ERICH1: variants seen among roughly 807,000 people sequenced by gnomAD.
ERICH1 encodes glutamate-rich protein 1.
ERICH1 carries 56 observed loss-of-function variants against 39.6 expected under a neutral mutation model. The observed-to-expected ratio is 1.41, with a 90% CI of 1.14 to 1.77. The LOEUF (loss-of-function observed/expected upper bound fraction) is 1.77, where lower values mean the gene tolerates loss of function less well. Among genes scored for constraint, ERICH1 ranks in the 40% most tolerant of loss-of-function variants. ERICH1 has a pLI of 0.00. For missense variants in ERICH1, 826 were observed against 575.4 expected (o/e 1.44, Z -4.45); for synonymous variants, 313 against 223.6 (o/e 1.40, Z -3.57).
intron 3 of ERICH1, among the ~76,000 whole-genome samples, chr8:625,482 G>T (rs1238696138): frequency 6.6e-6 from 1 of 152,090 alleles, no homozygotes; most frequent in East Asian, 1.9e-4. Context: ...ACGGGGTCTG[G>T]GTGCATGGTG....
chr8:631,436 G>C (rs774581814), intron 3 of ERICH1, among the ~76,000 whole-genome samples: 33 of 152,162 alleles, frequency 2.2e-4, no homozygotes, highest in Non-Finnish European at 4.7e-4. Flanking sequence ...GGTGAGGATG[G>C]GGGGATGTGC....
At position 708,689 on chromosome 8, in the gene ERICH1, T is replaced by G. The variant is rs1302965863; in HGVS notation, c.169+7172A>C. Among the ~76,000 whole-genome samples, 34 of 36,350 alleles carry G rather than the reference T, an allele frequency of 9.4e-4. 2 individuals are homozygous for G. The highest frequency in any genetic ancestry group is 3.4e-3 in the South Asian group (3 of 876). The allele number at this position is 36,350 out of a possible 152,430, so 23.8% of individuals were successfully genotyped here. A position where few individuals can be genotyped will look rare whatever the true frequency, so the allele number is the denominator to read the frequency against. On this transcript the variant is annotated intron_variant, in intron 2 of 5. Coordinates refer to ENST00000262109, the MANE Select transcript of ERICH1 (RefSeq NM_207332.3). ...TGGTTACGGGATAATGAGTTTTTTT[T>G]TTTTTTTTTTTTTTTTTTTTTTGAG...
intron 3 of ERICH1, chr8:625,902 C>T (rs1024061537): frequency 6.6e-6 from 1 of 152,184 alleles, no homozygotes; most frequent in Non-Finnish European, 1.5e-5. Flanking sequence ...TGGCAGAAAT[C>T]CCATTTAATA....
chr8:617,590 T>TCAGTAC (rs1413954130), intron 3 of ERICH1, among the ~76,000 whole-genome samples: 53 of 151,582 alleles, frequency 3.5e-4, no homozygotes, highest in African/African-American at 1.3e-3. Flanking sequence ...CTCTGAGTGC[T>TCAGTAC]TGGTGCTCCA....
intron 3 of ERICH1, among the ~76,000 whole-genome samples, chr8:639,371 T>A (rs549804646): frequency 3.9e-5 from 6 of 152,202 alleles, no homozygotes; most frequent in Non-Finnish European, 7.3e-5. Context: ...ATGTATACCA[T>A]CAGGATGAAA....
chr8:702,702 G>A (rs187908148), intron 2 of ERICH1, among the ~76,000 whole-genome samples: 3 of 152,366 alleles, frequency 2.0e-5, no homozygotes, highest in Admixed American at 2.0e-4. Context: ...CGGCAGGAGG[G>A]TTTGCATGTT....
At chr8:621,717 G>A (rs1288907858) in intron 3 of ERICH1, among the ~76,000 whole-genome samples, 1 of 152,028 alleles carries the variant, frequency 6.6e-6, no homozygotes, top group Non-Finnish European at 1.5e-5. Flanking sequence ...GAAAGAAAGA[G>A]AGGGACTAAA....
intron 3 of ERICH1, among the ~76,000 whole-genome samples, chr8:643,259 G>A (rs533493494): frequency 3.3e-5 from 5 of 152,338 alleles, no homozygotes; most frequent in Admixed American, 6.5e-5. Context: ...TAATGGGGTC[G>A]CAGCAGGGAC....
chr8:687,984 C>T (rs1807876734), intron 3 of ERICH1, among the ~76,000 whole-genome samples: 1 of 152,146 alleles, frequency 6.6e-6, no homozygotes, highest in Admixed American at 6.5e-5. Context: ...AGAGACCTGC[C>T]CGGGTCCCGA....
intron 2 of ERICH1, among the ~76,000 whole-genome samples, chr8:709,125 T>C (rs754506027): frequency 2.6e-5 from 4 of 152,186 alleles, no homozygotes; most frequent in Non-Finnish European, 4.4e-5. Flanking sequence ...AAATGGTAAA[T>C]TTGAGGTTAC....
At chr8:638,254 G>T (rs1203726082) in intron 3 of ERICH1, among the ~76,000 whole-genome samples, 4 of 152,238 alleles carry the variant, frequency 2.6e-5, no homozygotes, top group Non-Finnish European at 4.4e-5. Context: ...AGTGTCCTAA[G>T]ACCTTGCTTA....
At position 708,200 on chromosome 8, in the gene ERICH1, G is replaced by C. The variant is rs116535962; in HGVS notation, c.169+7661C>G. ...TACAATGCTGGTGGACATGTAATATGGTTCAGCTGCTGTGGACAAGAGTCC... is the reference window on the plus strand; with the variant it reads ...TACAATGCTGGTGGACATGTAATATCGTTCAGCTGCTGTGGACAAGAGTCC... On this transcript the variant is annotated intron_variant, in intron 2 of 5. Transcript: ENST00000262109. Among the ~76,000 whole-genome samples the C allele has an allele frequency of 9.4e-3, 1,424 of 152,290 alleles. 23 individuals carry two copies. Among genetic ancestry groups the C allele is most frequent in the African/African-American group, 0.032 (1,331 of 41,546 alleles).
intron 3 of ERICH1, among the ~76,000 whole-genome samples, chr8:644,414 G>T (rs545345518): frequency 1.3e-4 from 2 of 15,146 alleles, no homozygotes; most frequent in African/African-American, 2.3e-4. Context: ...TCTTTAGTGA[G>T]ATTTTACTAT....
chr8:651,003 T>C (rs1273838134), intron 3 of ERICH1, among the ~76,000 whole-genome samples: 3 of 152,202 alleles, frequency 2.0e-5, no homozygotes, highest in African/African-American at 7.2e-5. Flanking sequence ...AGAACACCCC[T>C]CGTTCGTCCA....
intron 3 of ERICH1, among the ~76,000 whole-genome samples, chr8:638,930 A>C (rs558856415): frequency 1.6e-4 from 24 of 152,190 alleles, no homozygotes; most frequent in African/African-American, 5.3e-4. Flanking sequence ...CCCTCCTGAC[A>C]AGACAGTTTT....
downstream of ERICH1, chr8:664,130 A>G: frequency 1.7e-6 from 1 of 592,362 alleles, no homozygotes; most frequent in Non-Finnish European, 2.1e-6. Context: ...GAAAATCGAA[A>G]CAGGAAAAAC....
Position 680,740 on chromosome 8 carries a change from C to G in ERICH1, c.305-6693G>C, listed in dbSNP as rs1805935010. On this transcript the variant is annotated intron_variant, in intron 3 of 5. Transcript: ENST00000262109. ...TGTCACAAATGCAGTGGTCACCACT[C>G]AGGAGAAAAAGGAATGTGCCACCAA... Among the ~76,000 whole-genome samples, 3 of 152,250 alleles carry G rather than the reference C, an allele frequency of 2.0e-5. No homozygotes were observed. The South Asian group carries it at 6.2e-4, about 31-fold the overall frequency.
chr8:677,504 T>C (rs926418266), intron 3 of ERICH1, among the ~76,000 whole-genome samples: 1 of 152,166 alleles, frequency 6.6e-6, no homozygotes, highest in African/African-American at 2.4e-5. Flanking sequence ...CACTCACCAG[T>C]GGGTGTTTGA....
At chr8:649,738 G>C (rs1799702978) in intron 3 of ERICH1, among the ~76,000 whole-genome samples, 1 of 152,222 alleles carries the variant, frequency 6.6e-6, no homozygotes, top group African/African-American at 2.4e-5. Context: ...CCCTGGCTGA[G>C]CAGTGTGACC....
Sources: allele counts gnomAD v4.1 joint callset (sites outside exome capture counted in the v4.1 genomes callset), GRCh38; gene constraint gnomAD v4.1.1; transcripts MANE v1.5; gene names NCBI Gene and HGNC (gene_info 2026-07-23, HGNC 2026-07-21).